SHANK1: variants seen among roughly 807,000 people sequenced by gnomAD.
SHANK1 encodes the protein SH3 and multiple ankyrin repeat domains 1, also known as SH3 and multiple ankyrin repeat domains protein 1.
Under a neutral mutation model 165.6 loss-of-function variants are expected in SHANK1, and 35 were observed. That is an observed-to-expected ratio of 0.21 (90% CI 0.16 to 0.28). The LOEUF is 0.28. Ranked by LOEUF, SHANK1 falls within the 10% of genes least tolerant of loss-of-function variation. SHANK1 has a pLI of 1.00. For missense variants in SHANK1, 2,681 were observed against 3,036.4 expected, an observed-to-expected ratio of 0.88 and a Z score of 2.75; for synonymous variants, 1,428 against 1,384.8, an observed-to-expected ratio of 1.03 and a Z score of -0.69.
At chr19:50,680,459 G>C (rs980442066) in intron 21 of SHANK1, among the ~76,000 whole-genome samples, 1 of 152,114 alleles carries the variant, frequency 6.6e-6, no homozygotes, top group Admixed American at 6.5e-5. Context: ...GACAGTACCA[G>C]AGAAAGCCAA....
chr19:50,665,407 A>C (rs972876955), intron 23 of SHANK1, among the ~76,000 whole-genome samples: 7 of 151,700 alleles, frequency 4.6e-5, no homozygotes, highest in African/African-American at 1.7e-4. Context: ...TCTCTACTAA[A>C]AATACAAAAA....
chr19:50,666,588 CCT>C lies in SHANK1; in HGVS notation c.5370_5371del (p.Ala1792TrpfsTer81), dbSNP rs1310630904. On this transcript the variant is annotated frameshift_variant, in exon 23 of 24. Coordinates refer to ENST00000293441, the MANE Select transcript of SHANK1 (RefSeq NM_016148.5). LOFTEE classifies it high-confidence loss of function. ...GGCCAGCAGCCCATCGGTTCCAGCC[CCT>C]GTCACCGAGACGGTGGGGCTGGTGG... The C allele has an allele frequency of 1.2e-6, 2 of 1,601,128 alleles. No individual in the cohort carries two copies. The highest frequency in any genetic ancestry group is 1.3e-5 in the African/African-American group (1 of 74,838).
chr19:50,672,239 G>A (rs148377574), intron 21 of SHANK1, 125 bp from the exon 22 acceptor site: 9 of 781,340 alleles, frequency 1.2e-5, no homozygotes, highest in Middle Eastern at 3.4e-4. Context: ...CCGTAAGGGA[G>A]AGCAGTGTGA....
rs773885149 is a variant in SHANK1 at position 50,672,105 on chromosome 19, C to T, written c.2587G>A (p.Asp863Asn). Residue 863 changes from aspartate (D) to asparagine (N), a missense_variant, in exon 22 of 24, where the codon GAT becomes AAT. Coordinates refer to ENST00000293441, the MANE Select transcript of SHANK1 (RefSeq NM_016148.5). ...CTTGGCTGGGCACGGTGGTGGGGATCGAAGCTCGACTTTGGAGCGGCAGTC... is the reference window on the plus strand; with the variant it reads ...CTTGGCTGGGCACGGTGGTGGGGATTGAAGCTCGACTTTGGAGCGGCAGTC... ...KGFFATESSF[D>N]PHHRAQPSYE... is the part of the protein sequence containing the mutation. 2.5e-5 allele frequency: 41 copies of T among 1,613,134 alleles called. No homozygotes were observed. Among genetic ancestry groups the T allele is most frequent in the Non-Finnish European group, 2.7e-5 (32 of 1,179,708 alleles).
chr19:50,668,715 A>G lies in SHANK1; in HGVS notation c.3245T>C (p.Leu1082Pro). 1 of 1,284,196 alleles carries G rather than the reference A, an allele frequency of 7.8e-7. No individual in the cohort carries two copies. Among genetic ancestry groups the G allele is most frequent in the Non-Finnish European group, 9.8e-7 (1 of 1,023,198 alleles). 79.6% of individuals were successfully genotyped at this position (1,284,196 alleles called of 1,614,324 possible). A position where few individuals can be genotyped will look rare whatever the true frequency, so the allele number is the denominator to read the frequency against. ...GGGGSSQGPA[L>P]RYFQLPPRAA... Reference sequence around the variant, plus strand: ...CCGCGGGGGCAGCTGGAAATAGCGTAGAGCCGGGCCCTGGGAGGAGCCGCC... The same window carrying G: ...CCGCGGGGGCAGCTGGAAATAGCGTGGAGCCGGGCCCTGGGAGGAGCCGCC... The change falls in exon 23 of 24, where the codon CTA (leucine) becomes CCA (proline). Residue 1082 changes from leucine (L) to proline (P), a missense_variant. Leu to Pro is a moderately conservative substitution (Grantham distance 98). Around this residue, in one of 10 missense-constraint regions of SHANK1, gnomAD observed 1,713 missense variants for 1,630.2 expected, o/e 1.05. Transcript: ENST00000293441.
intron 6 of SHANK1, among the ~76,000 whole-genome samples, chr19:50,712,696 G>A (rs920798230): frequency 2.0e-5 from 3 of 152,188 alleles, no homozygotes; most frequent in Admixed American, 1.3e-4. Context: ...ATAGGAGAAA[G>A]TCTTGGCAGC....
In SHANK1 at chr19:50,688,479, AT is replaced by A. The variant is rs551220870; in HGVS notation, c.2172+364del. 1.9e-4 allele frequency among the ~76,000 whole-genome samples: 29 copies of A among 149,920 alleles called. No individual in the cohort carries two copies. In the South Asian group the frequency reaches 2.3e-3, roughly 12 times the overall value. The stretch of plus-strand genomic sequence containing the variant: ...GACCTCAGGCACACAGCACCGGCTA[AT>A]TTTTTTTTTAAGAGACAGGATCTTG... On this transcript the variant is annotated intron_variant, in intron 17 of 23. Coordinates refer to ENST00000293441, the MANE Select transcript of SHANK1 (RefSeq NM_016148.5). The surrounding 1 kb of genome is among the most constrained non-coding windows in gnomAD (Gnocchi z 6.7).
rs548640415 is a variant in SHANK1 at position 50,711,516 on chromosome 19, G to C, written c.961-29C>G. On this transcript the variant is annotated intron_variant, in intron 7 of 23. Coordinates refer to ENST00000293441, the MANE Select transcript of SHANK1 (RefSeq NM_016148.5). ...GGCAGGACAGGGAGCGAGGGGCATGGATCAGACCCAGGCTGTTCTCCCTCT... is the reference window on the plus strand; with the variant it reads ...GGCAGGACAGGGAGCGAGGGGCATGCATCAGACCCAGGCTGTTCTCCCTCT... The C allele has an allele frequency of 7.6e-5, 114 of 1,502,918 alleles. No homozygotes were observed. In the South Asian group the frequency reaches 1.2e-3, roughly 16 times the overall value. 93.1% of individuals were successfully genotyped at this position (1,502,918 alleles called of 1,614,324 possible).
rs1985494756 is a variant in SHANK1, at chr19:50,666,075, A to G, written c.5768+117T>C. 1.7e-5 allele frequency: 16 copies of G among 963,152 alleles called. No homozygotes were observed. The East Asian group carries it at 4.5e-4, about 27-fold the overall frequency. The allele number at this position is 963,152 out of a possible 1,614,324, so 59.7% of individuals were successfully genotyped here. ...ATTTGTGAAAGCATGCTTCTGTGAC[A>G]GCAAACTCCTGCCAACCTGGTTTCT... On this transcript the variant is annotated intron_variant, in intron 23 of 23. Coordinates refer to ENST00000293441, the MANE Select transcript of SHANK1 (RefSeq NM_016148.5).
rs761668537 is a variant in SHANK1, at chr19:50,666,258, C to T, written c.5702G>A (p.Gly1901Asp). The T allele has an allele frequency of 6.2e-7, 1 of 1,610,540 alleles. No individual in the cohort carries two copies. The highest frequency in any genetic ancestry group is 8.5e-7 in the Non-Finnish European group (1 of 1,178,934). The change falls in exon 23 of 24, where the codon GGC becomes GAC. Residue 1901 changes from glycine (G) to aspartate (D), a missense_variant. Physicochemically the swap from Gly to Asp is moderately conservative, Grantham distance 94. Coordinates refer to ENST00000293441, the MANE Select transcript of SHANK1 (RefSeq NM_016148.5). ...GGCTCCCCCGTGGTGGCTGTCTCCG[C>T]CTCCCCCACTGCCTCCTCGGGCCCA... is the stretch of plus-strand genomic sequence containing the variant. ...LPWARGGSGG[G>D]GDSHHGGASY... is the part of the protein sequence containing the mutation.
intron 19 of SHANK1, chr19:50,687,019 C>T (rs774001380): frequency 1.5e-5 from 22 of 1,487,116 alleles, no homozygotes; most frequent in Non-Finnish European, 1.9e-5. Flanking sequence ...CCACTCACCA[C>T]TCTTCTTCTT....
At position 50,666,780 on chromosome 19, in the gene SHANK1, G is replaced by C. The variant is rs1985538924; in HGVS notation, c.5180C>G (p.Thr1727Ser). The C allele has an allele frequency of 6.4e-7, 1 of 1,552,666 alleles. No individual in the cohort carries two copies. The highest frequency in any genetic ancestry group is 8.7e-7 in the Non-Finnish European group (1 of 1,149,178). ...CTGGCCGTCCAGGTAGGCCACATAG[G>C]TGTCCAGAAGCTCCGGCCCACTGGC... ...GVASGPELLD[T>S]YVAYLDGQAF... The change falls in exon 23 of 24, where the codon ACC becomes AGC. Residue 1727 changes from threonine to serine, a missense_variant. This residue lies in a region of SHANK1 where 1,713 missense variants were observed against 1,630.2 expected (regional missense o/e 1.05). Transcript: ENST00000293441.
At position 50,669,182 on chromosome 19, in the gene SHANK1, C is replaced by T. The variant is rs747017717; in HGVS notation, c.2778G>A (p.Thr926=). 3 of 1,596,554 alleles carry T rather than the reference C, an allele frequency of 1.9e-6. No individual in the cohort carries two copies. Among genetic ancestry groups the T allele is most frequent in the Non-Finnish European group, 2.6e-6 (3 of 1,172,864 alleles). ...GSEDIPPPPT[T]SPPEPPYSTP... is the part of the protein sequence containing the mutation. ...TGCTGTAGGGAGGCTCCGGTGGGGA[C>T]GTGGTGGGTGGCGGGGGAATGTCCT... Residue 926 remains threonine, a synonymous_variant, in exon 23 of 24, where the codon ACG becomes ACA. Coordinates refer to ENST00000293441, the MANE Select transcript of SHANK1 (RefSeq NM_016148.5).
chr19:50,667,100 G>A lies in SHANK1; in HGVS notation c.4860C>T (p.Thr1620=), dbSNP rs1361052043. Residue 1620 remains threonine (T), a synonymous_variant, in exon 23 of 24, where the codon ACC becomes ACT. Coordinates refer to ENST00000293441, the MANE Select transcript of SHANK1 (RefSeq NM_016148.5). The surrounding 1 kb of genome is among the most constrained non-coding windows in gnomAD (Gnocchi z 5.7). ...TGTCATAGGATGTCAGGCTGGATGC[G>A]GTGGAGTCCAGGGTGGGAGGGGCTG... ...VAAAPPTLDS[T]ASSLTSYDSE... 2.6e-6 allele frequency: 4 copies of A among 1,558,310 alleles called. No individual in the cohort carries two copies. The highest frequency in any genetic ancestry group is 3.5e-6 in the Non-Finnish European group (4 of 1,158,516).
chr19:50,662,527 G>A lies in SHANK1; in HGVS notation c.5924C>T (p.Ser1975Phe). Reference sequence around the variant, plus strand: ...GAGGTGGCGGGTGGACGTGGAGGAGGAGGAGGCTGAGGGTGAGGTGGCCCC... The same window carrying A: ...GAGGTGGCGGGTGGACGTGGAGGAGAAGGAGGCTGAGGGTGAGGTGGCCCC... ...APGATSPSAS[S>F]SSTSTRHLQG... The change falls in exon 24 of 24, where the codon TCC (serine) becomes TTC (phenylalanine). Residue 1975 changes from serine (S) to phenylalanine (F), a missense_variant. By Grantham distance (155) the Ser-to-Phe change is radical. Transcript: ENST00000293441. The surrounding 1 kb of genome is among the most constrained non-coding windows in gnomAD (Gnocchi z 7.7). 1.3e-6 allele frequency: 2 copies of A among 1,559,296 alleles called. No homozygotes were observed. Among genetic ancestry groups the A allele is most frequent in the Non-Finnish European group, 1.7e-6 (2 of 1,151,462 alleles).
At chr19:50,712,614 G>C (rs1425406834) in intron 6 of SHANK1, among the ~76,000 whole-genome samples, 2 of 152,226 alleles carry the variant, frequency 1.3e-5, no homozygotes, top group Non-Finnish European at 2.9e-5. Context: ...GCCTCACTGG[G>C]GCTGGAGGCC....
At chr19:50,671,921 TG>T in intron 22 of SHANK1, 96 bp downstream of exon 22, 1 of 915,112 alleles carries the variant, frequency 1.1e-6, no homozygotes, top group Non-Finnish European at 1.7e-6. Flanking sequence ...ATGGTCTCTC[TG>T]GGAGCACAGA....
chr19:50,707,782 TGTGTTTGGGA>T (rs2123186859), intron 8 of SHANK1, among the ~76,000 whole-genome samples: 1 of 152,136 alleles, frequency 6.6e-6, no homozygotes, highest in South Asian at 2.1e-4. Flanking sequence ...GTGTTCTGGG[TGTGTTTGGGA>T]GTGTGTGTGT....
At chr19:50,708,631 A>C (rs543515253) in intron 8 of SHANK1, among the ~76,000 whole-genome samples, 1 of 152,338 alleles carries the variant, frequency 6.6e-6, no homozygotes, top group African/African-American at 2.4e-5. Flanking sequence ...GGGTTGAGTC[A>C]GTCAAAATTC....
Sources: allele counts gnomAD v4.1 joint callset (sites outside exome capture counted in the v4.1 genomes callset), GRCh38; gene constraint gnomAD v4.1.1; regional missense constraint gnomAD v4.1.1; non-coding constraint Gnocchi (gnomAD v3.1); transcripts MANE v1.5; gene names NCBI Gene and HGNC (gene_info 2026-07-23, HGNC 2026-07-21).